FAF1: variants seen among roughly 807,000 people sequenced by gnomAD.
FAF1 encodes the protein FAS-associated factor 1.
FAF1 carries 25 observed loss-of-function variants against 92.5 expected under a neutral mutation model. That is an observed-to-expected ratio of 0.27 (90% CI 0.20 to 0.38). FAF1 has a LOEUF of 0.38. Ranked by LOEUF, FAF1 falls within the 10% of genes least tolerant of loss-of-function variation. The probability of loss-of-function intolerance (pLI) is 1.00; values close to 1 mark genes in which losing one functional copy is unlikely to be tolerated. For synonymous variants in FAF1, 234 were observed against 273.2 expected, an observed-to-expected ratio of 0.86 and a Z score of 1.42; for missense variants, 636 against 793.3, an observed-to-expected ratio of 0.80 and a Z score of 2.38.
rs548365255 is a variant in FAF1 at position 50,801,770 on chromosome 1, A to T, written c.115-93T>A. On this transcript the variant is annotated intron_variant, in intron 2 of 18. Coordinates refer to ENST00000396153, the MANE Select transcript of FAF1 (RefSeq NM_007051.3). Reference sequence around the variant, plus strand: ...TTTAAAAGGAAATAAGTATATTTTTAAAAATGTATTTAAACATAATACTAA... The same window carrying T: ...TTTAAAAGGAAATAAGTATATTTTTTAAAATGTATTTAAACATAATACTAA... The T allele has an allele frequency of 1.4e-4, 103 of 748,244 alleles. 1 individual carries two copies. The East Asian group carries it at 1.9e-3, about 14-fold the overall frequency. The allele number at this position is 748,244 out of a possible 1,614,324, so 46.4% of individuals were successfully genotyped here.
At chr1:50,762,244 T>C (rs1006080521) in intron 4 of FAF1, among the ~76,000 whole-genome samples, 31 of 152,258 alleles carry the variant, frequency 2.0e-4, no homozygotes, top group East Asian at 1.9e-3. Flanking sequence ...GAATCAATAT[T>C]GTGAAAATGG....
intron 8 of FAF1, among the ~76,000 whole-genome samples, chr1:50,644,169 A>G (rs1373302762): frequency 6.6e-6 from 1 of 152,308 alleles, no homozygotes; most frequent in East Asian, 1.9e-4. Context: ...TAATCAGCTT[A>G]TTCCTTATTC....
intron 2 of FAF1, among the ~76,000 whole-genome samples, chr1:50,812,466 C>T (rs751347796): frequency 1.2e-4 from 19 of 152,142 alleles, no homozygotes; most frequent in Non-Finnish European, 2.4e-4. Context: ...AGAAAGCATA[C>T]GAAAAAATGC....
rs1201924797 is a variant in FAF1, at chr1:50,441,220, A to G, written c.*220T>C. 1 of 440,806 alleles carries G rather than the reference A, an allele frequency of 2.3e-6. No individual in the cohort carries two copies. Among genetic ancestry groups the G allele is most frequent in the Non-Finnish European group, 4.0e-6 (1 of 248,256 alleles). 27.3% of individuals were successfully genotyped at this position (440,806 alleles called of 1,614,324 possible). On this transcript the variant is annotated 3_prime_UTR_variant, in exon 19 of 19. Coordinates refer to ENST00000396153, the MANE Select transcript of FAF1 (RefSeq NM_007051.3). Reference sequence around the variant, plus strand: ...TGCAGGGGGTAGGGGAGGGTGGCAGAGTTGTAATTCTCTGTAATAAGGGTT... The same window carrying G: ...TGCAGGGGGTAGGGGAGGGTGGCAGGGTTGTAATTCTCTGTAATAAGGGTT...
At chr1:50,786,432 A>C (rs957946641) in intron 4 of FAF1, among the ~76,000 whole-genome samples, 1 of 152,218 alleles carries the variant, frequency 6.6e-6, no homozygotes, top group Non-Finnish European at 1.5e-5. Flanking sequence ...ATAGAATGGC[A>C]GTTGCCAGGA....
intron 1 of FAF1, among the ~76,000 whole-genome samples, chr1:50,890,262 C>G (rs556730712): frequency 6.6e-6 from 1 of 152,118 alleles, no homozygotes; most frequent in African/African-American, 2.4e-5. Flanking sequence ...TGTCTCTGCA[C>G]GTGAGATGGG....
At chr1:50,751,822 G>A (rs1238754457) in intron 4 of FAF1, among the ~76,000 whole-genome samples, 1 of 152,010 alleles carries the variant, frequency 6.6e-6, no homozygotes, top group African/African-American at 2.4e-5. Context: ...TTGGTATTAG[G>A]GTAATGCTAG....
At position 50,583,742 on chromosome 1, in the gene FAF1, A is replaced by G. The variant is rs764049080; in HGVS notation, c.968-27T>C. On this transcript the variant is annotated intron_variant, in intron 10 of 18. Coordinates refer to ENST00000396153, the MANE Select transcript of FAF1 (RefSeq NM_007051.3). This position sits in a 1 kb window ranked among gnomAD's most constrained non-coding sequence, Gnocchi z 4.2. ...TAAAAAACAAACAAAAGAAAAAACA[A>G]AAACAAAAAAACAAAACAAATAGAC... is the stretch of plus-strand genomic sequence containing the variant. 4.1e-6 allele frequency: 6 copies of G among 1,460,726 alleles called. No homozygotes were observed. The Admixed American group carries it at 9.2e-5, about 22-fold the overall frequency. 90.5% of individuals were successfully genotyped at this position (1,460,726 alleles called of 1,614,324 possible). A position where few individuals can be genotyped will look rare whatever the true frequency, so the allele number is the denominator to read the frequency against.
intron 13 of FAF1, among the ~76,000 whole-genome samples, chr1:50,554,390 T>TATATAGAGAGAGAGAG: frequency 8.5e-5 from 8 of 93,688 alleles, no homozygotes; most frequent in African/African-American, 2.8e-4. Flanking sequence ...TATATATATA[T>TATATAGAGAGAGAGAG]AGAGAGAGAG....
Position 50,472,368 on chromosome 1 carries a change from T to TACACACACAC in FAF1, c.1869+3086_1869+3095dup, listed in dbSNP as rs71850142. Reference sequence around the variant, plus strand: ...GTTATTAGCAAAATTGGGGAAAACATACACACACACACACACACACACACA... The same window carrying TACACACACAC: ...GTTATTAGCAAAATTGGGGAAAACATACACACACACACACACACACACACACACACACACA... On this transcript the variant is annotated intron_variant, in intron 18 of 18. Transcript: ENST00000396153. Among the ~76,000 whole-genome samples, 1,035 of 123,928 alleles carry TACACACACAC rather than the reference T, an allele frequency of 8.4e-3. 16 individuals carry two copies. Among genetic ancestry groups the TACACACACAC allele is most frequent in the Admixed American group, 0.013 (153 of 11,538 alleles). 81.3% of individuals were successfully genotyped at this position (123,928 alleles called of 152,430 possible).
intron 15 of FAF1, among the ~76,000 whole-genome samples, chr1:50,506,665 G>A (rs751044004): frequency 7.9e-5 from 12 of 152,156 alleles, no homozygotes; most frequent in African/African-American, 1.2e-4. Context: ...AATTTTCAGC[G>A]TAAGTTAATG....
In FAF1 at chr1:50,838,484, T is replaced by C. The variant is rs933419587; in HGVS notation, c.114+19445A>G. ...TAAATTACAAATATATAATTATATA[T>C]AAATATAAGCTATGTTTTGTTATAT... On this transcript the variant is annotated intron_variant, in intron 2 of 18. Coordinates refer to ENST00000396153, the MANE Select transcript of FAF1 (RefSeq NM_007051.3). 1.1e-4 allele frequency among the ~76,000 whole-genome samples: 16 copies of C among 148,518 alleles called. No individual in the cohort carries two copies. In the Admixed American group the frequency reaches 1.1e-3, roughly 10 times the overall value.
At chr1:50,792,970 A>G (rs925145139) in intron 3 of FAF1, among the ~76,000 whole-genome samples, 5 of 152,200 alleles carry the variant, frequency 3.3e-5, no homozygotes, top group African/African-American at 7.2e-5. Context: ...TTAACTGAGC[A>G]TGGGTTTTTT....
chr1:50,960,136 C>T lies in FAF1; in HGVS notation c.-325G>A, dbSNP rs1053954647. 8.2e-6 allele frequency: 3 copies of T among 365,044 alleles called. No homozygotes were observed. Among genetic ancestry groups the T allele is most frequent in the East Asian group, 7.7e-5 (2 of 26,134 alleles). 22.6% of individuals were successfully genotyped at this position (365,044 alleles called of 1,614,324 possible). A position where few individuals can be genotyped will look rare whatever the true frequency, so the allele number is the denominator to read the frequency against. ...AGGATGAGGGCAGGTTGCGACAGCG[C>T]GCACCCGGATACCTTCAGCGGCGTT... On this transcript the variant is annotated 5_prime_UTR_variant, in exon 1 of 19. Coordinates refer to ENST00000396153, the MANE Select transcript of FAF1 (RefSeq NM_007051.3).
chr1:50,659,678 G>T (rs1038372573), intron 7 of FAF1, among the ~76,000 whole-genome samples: 4 of 151,836 alleles, frequency 2.6e-5, no homozygotes, highest in African/African-American at 9.7e-5. Context: ...GTTTCAATTA[G>T]TTCAGGAGGA....
At chr1:50,520,582 C>T (rs1007885694) in intron 15 of FAF1, among the ~76,000 whole-genome samples, 1 of 152,154 alleles carries the variant, frequency 6.6e-6, no homozygotes, top group Admixed American at 6.5e-5. Context: ...CACAGGGGCT[C>T]GCTCCTGTAA....
At position 50,761,415 on chromosome 1, in the gene FAF1, T is replaced by G. The variant is rs546477489; in HGVS notation, c.368-16640A>C. Among the ~76,000 whole-genome samples, 1,077 of 152,308 alleles carry G rather than the reference T, an allele frequency of 7.1e-3. 12 individuals are homozygous for G. Among genetic ancestry groups the G allele is most frequent in the African/African-American group, 0.025 (1,039 of 41,552 alleles). On this transcript the variant is annotated intron_variant, in intron 4 of 18. Coordinates refer to ENST00000396153, the MANE Select transcript of FAF1 (RefSeq NM_007051.3). ...GAGAATTTTAGACCAATATCCTTGA[T>G]GAACATTGATGCAAAAATCCTCAAT... is the stretch of plus-strand genomic sequence containing the variant.
intron 4 of FAF1, among the ~76,000 whole-genome samples, chr1:50,779,024 T>C (rs1040159307): frequency 3.3e-5 from 5 of 152,238 alleles, no homozygotes; most frequent in African/African-American, 1.2e-4. Context: ...TGTCACATTC[T>C]AAATCCTTTT....
chr1:50,447,292 A>AT lies in FAF1; in HGVS notation c.1870-5770dup, dbSNP rs1041604349. On this transcript the variant is annotated intron_variant, in intron 18 of 18. Coordinates refer to ENST00000396153, the MANE Select transcript of FAF1 (RefSeq NM_007051.3). ...AGGTGCCCGCCACCACGCCTGGCTCATTTTTTGTATTTTTAGTAGAGACGG... is the reference window on the plus strand; with the variant it reads ...AGGTGCCCGCCACCACGCCTGGCTCATTTTTTTGTATTTTTAGTAGAGACGG... Among the ~76,000 whole-genome samples the AT allele has an allele frequency of 1.8e-4, 27 of 151,688 alleles. 1 individual carries two copies. Among genetic ancestry groups the AT allele is most frequent in the Non-Finnish European group, 5.9e-5 (4 of 67,914 alleles).
Sources: allele counts gnomAD v4.1 joint callset (sites outside exome capture counted in the v4.1 genomes callset), GRCh38; gene constraint gnomAD v4.1.1; non-coding constraint Gnocchi (gnomAD v3.1); transcripts MANE v1.5; gene names NCBI Gene and HGNC (gene_info 2026-07-23, HGNC 2026-07-21).